MYCBP2: variants seen among roughly 807,000 people sequenced by gnomAD.
MYCBP2 encodes MYC binding protein 2, also known as E3 ubiquitin-protein ligase MYCBP2.
A neutral mutation model predicts 525.3 loss-of-function variants in MYCBP2; 120 were observed. The ratio of observed to expected loss-of-function variants is 0.23; its 90% CI spans 0.20 to 0.27. The LOEUF (loss-of-function observed/expected upper bound fraction) is 0.27. Ranked by LOEUF, MYCBP2 falls within the 10% of genes least tolerant of loss-of-function variation. The pLI is 1.00. For missense variants in MYCBP2, 4,149 were observed against 5,657.1 expected (o/e 0.73, Z 8.55); for synonymous variants, 1,894 against 1,955.8 (o/e 0.97, Z 0.83).
chr13:77,262,840 A>T (rs1010996359), intron 10 of MYCBP2, among the ~76,000 whole-genome samples: 1 of 152,036 alleles, frequency 6.6e-6, no homozygotes, highest in Non-Finnish European at 1.5e-5. Context: ...AAAAATTTTA[A>T]ATCTGTAATT....
At chr13:77,180,446 C>T in intron 33 of MYCBP2, 128 bp from the exon 34 acceptor site, 2 of 782,224 alleles carry the variant, frequency 2.6e-6, no homozygotes, top group Non-Finnish European at 4.0e-6. Flanking sequence ...TTCTACAAAT[C>T]TTTCTGGTTA....
At chr13:77,317,500 C>T (rs770941529) in intron 1 of MYCBP2, among the ~76,000 whole-genome samples, 2 of 152,206 alleles carry the variant, frequency 1.3e-5, no homozygotes, top group Non-Finnish European at 2.9e-5. Context: ...GGAGAATGGG[C>T]GCCTCACCCT....
intron 52 of MYCBP2, among the ~76,000 whole-genome samples, chr13:77,131,525 C>A (rs201916187): frequency 1.4e-5 from 2 of 142,604 alleles, no homozygotes; most frequent in East Asian, 4.3e-4. Context: ...CAAACACACA[C>A]ACACACACAC....
rs193920951 is a variant in MYCBP2 at position 77,126,432 on chromosome 13, C to T, written c.7770G>A (p.Met2590Ile). The change falls in exon 53 of 83, where the codon ATG becomes ATA. Residue 2590 changes from methionine to isoleucine, a missense_variant. Physicochemically the swap from Met to Ile is conservative, Grantham distance 10. Transcript: ENST00000544440. ...AAGGTCCCGTCTTCACTACCTTGTA[C>T]ATGCCTGGCCCTCCTCGCAAGAATG... ...DMPFLRGGPG[M>I]YKVVKTGPSG... 2 of 1,614,004 alleles carry T rather than the reference C, an allele frequency of 1.2e-6. No homozygotes were observed. The highest frequency in any genetic ancestry group is 2.2e-5 in the East Asian group (1 of 44,876).
At chr13:77,136,243 T>C (rs1399059669) in intron 52 of MYCBP2, among the ~76,000 whole-genome samples, 2 of 152,240 alleles carry the variant, frequency 1.3e-5, no homozygotes, top group Non-Finnish European at 1.5e-5. Flanking sequence ...CCACGTGCAC[T>C]GCACTTCAGC....
At chr13:77,303,368 C>T (rs144283320) in intron 1 of MYCBP2, among the ~76,000 whole-genome samples, 200 of 152,262 alleles carry the variant, frequency 1.3e-3, no homozygotes, top group African/African-American at 4.5e-3. Context: ...ATTAATCAAC[C>T]TGACCTAATT....
At chr13:77,116,783 C>T (rs1038792834) in intron 55 of MYCBP2, among the ~76,000 whole-genome samples, 1 of 151,898 alleles carries the variant, frequency 6.6e-6, no homozygotes, top group African/African-American at 2.4e-5. Context: ...CTGGAAGAGA[C>T]AAATCAACTT....
intron 3 of MYCBP2, among the ~76,000 whole-genome samples, chr13:77,282,998 G>T (rs997355600): frequency 6.6e-6 from 1 of 151,988 alleles, no homozygotes; most frequent in Non-Finnish European, 1.5e-5. Context: ...TGGTTCCTCT[G>T]TCTCCAGTCT....
intron 23 of MYCBP2, among the ~76,000 whole-genome samples, chr13:77,210,931 C>T (rs4594141): frequency 0.02 from 2,989 of 152,226 alleles, 57 homozygotes; most frequent in Middle Eastern, 0.075. Context: ...CAGGGTGACA[C>T]AGAAAGCAAG....
At chr13:77,126,646 T>C in intron 52 of MYCBP2, 104 bp from the exon 53 acceptor site, 1 of 758,796 alleles carries the variant, frequency 1.3e-6, no homozygotes, top group Non-Finnish European at 2.0e-6. Context: ...GTACTGTCAA[T>C]ATAAAAAAAA....
chr13:77,197,439 G>T (rs1342000416), intron 26 of MYCBP2, among the ~76,000 whole-genome samples: 1 of 152,004 alleles, frequency 6.6e-6, no homozygotes, highest in Admixed American at 6.6e-5. Flanking sequence ...GAGAGAGAGA[G>T]ATCAGTGGAA....
chr13:77,086,849 A>T (rs373926392), intron 62 of MYCBP2, among the ~76,000 whole-genome samples: 1 of 152,154 alleles, frequency 6.6e-6, no homozygotes, highest in East Asian at 1.9e-4. Context: ...AAAACTAAAA[A>T]TATCAATTAT....
chr13:77,302,117 A>T (rs185893933), intron 1 of MYCBP2, among the ~76,000 whole-genome samples: 129 of 152,296 alleles, frequency 8.5e-4, no homozygotes, highest in African/African-American at 3.0e-3. Context: ...GAGAGAAAAA[A>T]GAATGGAACA....
chr13:77,197,303 C>T (rs1233593667), intron 26 of MYCBP2, among the ~76,000 whole-genome samples: 1 of 151,884 alleles, frequency 6.6e-6, no homozygotes, highest in Admixed American at 6.6e-5. Context: ...AAGACAAATA[C>T]CTTTGCCTAG....
At chr13:77,224,261 T>C (rs1272515904) in intron 20 of MYCBP2, among the ~76,000 whole-genome samples, 190 bp downstream of exon 20, 1 of 152,120 alleles carries the variant, frequency 6.6e-6, no homozygotes, top group Non-Finnish European at 1.5e-5. Context: ...ATCCTTTATC[T>C]CTACAAAAGC....
chr13:77,176,359 C>T (rs2059703291), intron 36 of MYCBP2, 138 bp downstream of exon 36: 2 of 590,540 alleles, frequency 3.4e-6, no homozygotes, highest in East Asian at 6.5e-5. Flanking sequence ...GTAGGTACTC[C>T]ATAAATATTT....
intron 45 of MYCBP2, among the ~76,000 whole-genome samples, chr13:77,156,443 C>T (rs1334686893): frequency 1.3e-5 from 2 of 152,044 alleles, no homozygotes; most frequent in Admixed American, 6.6e-5. Flanking sequence ...TATAAAAATA[C>T]TTTTTAAAAC....
In MYCBP2 at chr13:77,273,478, A is replaced by G; in HGVS notation, c.939T>C (p.Thr313=). Residue 313 remains threonine (T), a synonymous_variant, in exon 5 of 83, where the codon ACT becomes ACC. Coordinates refer to ENST00000544440, the MANE Select transcript of MYCBP2 (RefSeq NM_015057.5). ...AGATATAAATATGAAATACCTGAAT[A>G]GTTTGGCAAGCATGGCTTCCATTGT... is the stretch of plus-strand genomic sequence containing the variant. The part of the protein sequence containing the change: ...LTNNGSHACQ[T]IQVPTILNSL... The G allele has an allele frequency of 6.3e-7, 1 of 1,581,120 alleles. No homozygotes were observed.
At chr13:77,127,826 T>C (rs2051958327) in intron 52 of MYCBP2, among the ~76,000 whole-genome samples, 1 of 151,886 alleles carries the variant, frequency 6.6e-6, no homozygotes, top group Non-Finnish European at 1.5e-5. Context: ...GTTAATTCCA[T>C]ACATGACTGG....
Sources: allele counts gnomAD v4.1 joint callset (sites outside exome capture counted in the v4.1 genomes callset), GRCh38; gene constraint gnomAD v4.1.1; transcripts MANE v1.5; gene names NCBI Gene and HGNC (gene_info 2026-07-23, HGNC 2026-07-21).